GNA14: variants seen among roughly 807,000 people sequenced by gnomAD.
GNA14 encodes G protein subunit alpha 14.
A neutral mutation model predicts 42.0 loss-of-function variants in GNA14; 50 were observed. The observed-to-expected ratio is 1.19, with a 90% CI of 0.95 to 1.51. GNA14 has a LOEUF of 1.51. GNA14 is among the 40% of genes most tolerant of loss of function. GNA14 has a pLI of 0.00. For synonymous variants in GNA14, 173 were observed against 163.1 expected (o/e 1.06, Z -0.46); for missense variants, 473 against 446.2 (o/e 1.06, Z -0.54).
rs367826349 is a variant in GNA14, at chr9:77,499,314, A to G, written c.309+29755T>C. ...GAAAATAACAGCAGAATGATTAAGAAATATGGGAACTTTACTGCCACCAGA... is the reference window on the plus strand; with the variant it reads ...GAAAATAACAGCAGAATGATTAAGAGATATGGGAACTTTACTGCCACCAGA... On this transcript the variant is annotated intron_variant, in intron 2 of 6. Transcript: ENST00000341700. Among the ~76,000 whole-genome samples, 34 of 152,286 alleles carry G rather than the reference A, an allele frequency of 2.2e-4. No homozygotes were observed. The South Asian group carries it at 5.2e-3, about 23-fold the overall frequency.
intron 1 of GNA14, among the ~76,000 whole-genome samples, chr9:77,596,439 A>C (rs904764732): frequency 4.6e-5 from 7 of 152,160 alleles, no homozygotes; most frequent in African/African-American, 1.4e-4. Context: ...GAGAAATCAC[A>C]AAAACTCCCT....
At chr9:77,606,550 G>T (rs1953330) in intron 1 of GNA14, among the ~76,000 whole-genome samples, 93,768 of 152,030 alleles carry the variant, frequency 0.62, 29,140 homozygotes, top group African/African-American at 0.7. Context: ...TGAAATCTGT[G>T]TTTAGATGCT....
At chr9:77,582,321 G>GT (rs541319714) in intron 1 of GNA14, among the ~76,000 whole-genome samples, 242 of 152,286 alleles carry the variant, frequency 1.6e-3, no homozygotes, top group Non-Finnish European at 2.3e-3. Flanking sequence ...TTTCTGTGGT[G>GT]TAACTCACTA....
At chr9:77,628,065 T>A (rs1337522105) in intron 1 of GNA14, among the ~76,000 whole-genome samples, 1 of 152,200 alleles carries the variant, frequency 6.6e-6, no homozygotes. Context: ...AAAATCAATG[T>A]GCAAAAATCA....
At chr9:77,439,617 A>G (rs1056818674) in intron 2 of GNA14, among the ~76,000 whole-genome samples, 4 of 152,196 alleles carry the variant, frequency 2.6e-5, no homozygotes, top group Non-Finnish European at 5.9e-5. Context: ...GGCCTGAGTG[A>G]AAGAGTGAGA....
chr9:77,460,385 T>C (rs1262340938), intron 2 of GNA14, among the ~76,000 whole-genome samples: 1 of 152,160 alleles, frequency 6.6e-6, no homozygotes, highest in Non-Finnish European at 1.5e-5. Context: ...TGGAAAAGAT[T>C]CTCCCTTGGA....
chr9:77,438,253 T>G (rs139540368), intron 2 of GNA14, among the ~76,000 whole-genome samples: 2 of 151,452 alleles, frequency 1.3e-5, no homozygotes, highest in Non-Finnish European at 2.9e-5. Flanking sequence ...ACCTGGTTAG[T>G]TTTCCTACCT....
At chr9:77,464,729 T>C (rs1230734474) in intron 2 of GNA14, among the ~76,000 whole-genome samples, 2 of 152,168 alleles carry the variant, frequency 1.3e-5, no homozygotes, top group African/African-American at 2.4e-5. Context: ...ATTACATCCC[T>C]GCTAAAAGAT....
chr9:77,443,325 A>G (rs1835765842), intron 2 of GNA14, among the ~76,000 whole-genome samples: 1 of 152,230 alleles, frequency 6.6e-6, no homozygotes, highest in Admixed American at 6.5e-5. Context: ...CTTCACGTAA[A>G]AAAATGGATT....
chr9:77,606,270 C>T (rs971714854), intron 1 of GNA14, among the ~76,000 whole-genome samples: 3 of 152,196 alleles, frequency 2.0e-5, no homozygotes, highest in African/African-American at 7.2e-5. Context: ...GGTTATGTTT[C>T]CAGTTACTAG....
chr9:77,424,146 C>T lies in GNA14; in HGVS notation c.901G>A (p.Ala301Thr). ...TAAAGCTTCAGGATAAAGTCTCTGG[C>T]AGCTCTGACATCCTGTTTCGGTCCT... ...YTGPKQDVRA[A>T]RDFILKLYQD... Residue 301 changes from alanine (A) to threonine (T), a missense_variant, in exon 7 of 7, where the codon GCC becomes ACC. Transcript: ENST00000341700. 1 of 1,610,628 alleles carries T rather than the reference C, an allele frequency of 6.2e-7. No individual in the cohort carries two copies. Among genetic ancestry groups the T allele is most frequent in the Non-Finnish European group, 8.5e-7 (1 of 1,178,244 alleles).
At chr9:77,531,990 A>G (rs957019870) in intron 1 of GNA14, among the ~76,000 whole-genome samples, 5 of 152,328 alleles carry the variant, frequency 3.3e-5, no homozygotes, top group African/African-American at 9.6e-5. Context: ...ATGCGGAGCA[A>G]AAGAGGGCAG....
At chr9:77,498,393 A>AAAAAAAAAG (rs1564032336) in intron 2 of GNA14, among the ~76,000 whole-genome samples, 4 of 150,420 alleles carry the variant, frequency 2.7e-5, no homozygotes, top group African/African-American at 9.8e-5. Context: ...AAAAAAGAAA[A>AAAAAAAAAG]AAAAGAAAAA....
chr9:77,437,005 T>C (rs893535792), intron 2 of GNA14, among the ~76,000 whole-genome samples: 3 of 152,162 alleles, frequency 2.0e-5, no homozygotes, highest in Admixed American at 6.5e-5. Context: ...CAGGCAACGC[T>C]TGGCCAATCT....
chr9:77,452,119 C>A (rs1200950895), intron 2 of GNA14, among the ~76,000 whole-genome samples: 2 of 152,130 alleles, frequency 1.3e-5, no homozygotes, highest in Non-Finnish European at 2.9e-5. Context: ...CTGCTTGATC[C>A]AGAACCCCGT....
intron 2 of GNA14, among the ~76,000 whole-genome samples, chr9:77,435,875 C>T (rs560800923): frequency 1.3e-5 from 2 of 152,256 alleles, no homozygotes; most frequent in East Asian, 3.9e-4. Flanking sequence ...AGAAGCAGGA[C>T]CCCAGGCTCT....
chr9:77,472,370 C>T (rs1836346790), intron 2 of GNA14, among the ~76,000 whole-genome samples: 1 of 152,140 alleles, frequency 6.6e-6, no homozygotes, highest in African/African-American at 2.4e-5. Context: ...TGATGGAAAA[C>T]TGCATTTCTG....
chr9:77,578,692 A>G (rs747540117), intron 1 of GNA14, among the ~76,000 whole-genome samples: 1 of 152,170 alleles, frequency 6.6e-6, no homozygotes, highest in Non-Finnish European at 1.5e-5. Flanking sequence ...TGAAACATTT[A>G]TCCCACTTAA....
At chr9:77,441,676 C>T (rs1394498209) in intron 2 of GNA14, among the ~76,000 whole-genome samples, 1 of 151,112 alleles carries the variant, frequency 6.6e-6, no homozygotes, top group African/African-American at 2.4e-5. Flanking sequence ...GCTTTGATAT[C>T]TATAAGCTTT....
Sources: gnomAD v4.1 joint callset for allele counts (sites outside exome capture counted in the v4.1 genomes callset) on GRCh38, gnomAD v4.1.1 for gene constraint, MANE v1.5 for transcripts, NCBI Gene and HGNC (gene_info 2026-07-23, HGNC 2026-07-21) for gene names.